RELL1: variants seen among roughly 807,000 people sequenced by gnomAD.
The protein encoded by RELL1 is RELT like 1, also known as RELT-like protein 1.
Under a neutral mutation model 23.0 loss-of-function variants are expected in RELL1, and 10 were observed. The ratio of observed to expected loss-of-function variants is 0.43; its 90% CI spans 0.27 to 0.74. RELL1 has a LOEUF of 0.74. Among genes scored for constraint, RELL1 ranks in the 30% least tolerant of loss-of-function variants. RELL1 has a pLI of 0.19. For synonymous variants in RELL1, 146 were observed against 146.8 expected, an observed-to-expected ratio of 0.99 and a Z score of 0.04; for missense variants, 315 against 364.4, an observed-to-expected ratio of 0.86 and a Z score of 1.10.
downstream of RELL1, chr4:37,590,695 G>T (rs1718559307): frequency 6.2e-7 from 1 of 1,614,070 alleles, no homozygotes. Flanking sequence ...CCATACTGAG[G>T]ATGAATCCCT....
At chr4:37,624,418 CTTTTTTT>C (rs35118296) in intron 6 of RELL1, among the ~76,000 whole-genome samples, 18 of 111,324 alleles carry the variant, frequency 1.6e-4, no homozygotes, top group African/African-American at 6.2e-4. Flanking sequence ...TTCTTTCTTT[CTTTTTTT>C]TTTTTTTTTT....
chr4:37,627,919 G>C lies in RELL1; in HGVS notation c.*3+3466C>G, dbSNP rs372015261. Among the ~76,000 whole-genome samples, 9 of 152,240 alleles carry C rather than the reference G, an allele frequency of 5.9e-5. No individual in the cohort carries two copies. In the East Asian group the frequency reaches 1.4e-3, roughly 23 times the overall value. ...CCTGCTTCACTAGCTGCATTCCAGT[G>C]CAGATCTTCTGGCTTCGTCTAGAAC... is the stretch of plus-strand genomic sequence containing the variant. On this transcript the variant is annotated intron_variant, in intron 6 of 6. Coordinates refer to ENST00000454158, the MANE Select transcript of RELL1 (RefSeq NM_001085400.2).
chr4:37,591,182 G>A (rs1360726182), exon 7 of RELL1: 5 of 577,036 alleles, frequency 8.7e-6, no homozygotes, highest in Non-Finnish European at 1.5e-5. Flanking sequence ...CATATCTGGA[G>A]TTTCACTCTG....
At chr4:37,666,626 G>C (rs1258134832) in intron 1 of RELL1, among the ~76,000 whole-genome samples, 1 of 152,166 alleles carries the variant, frequency 6.6e-6, no homozygotes, top group African/African-American at 2.4e-5. Context: ...ATCCAGAAAA[G>C]GACAAGGAAT....
chr4:37,605,857 GAAAA>G (rs1192383868), downstream of RELL1, among the ~76,000 whole-genome samples: 1 of 121,942 alleles, frequency 8.2e-6, no homozygotes, highest in Non-Finnish European at 1.8e-5. Flanking sequence ...GAAAAGAAAA[GAAAA>G]GAAAGAGAAA....
chr4:37,616,390 C>T (rs956294927), intron 6 of RELL1, among the ~76,000 whole-genome samples: 9 of 152,244 alleles, frequency 5.9e-5, no homozygotes, highest in African/African-American at 2.2e-4. Context: ...GACACACCCA[C>T]AGCATCACTG....
At chr4:37,676,863 A>T (rs1328751209) in intron 1 of RELL1, among the ~76,000 whole-genome samples, 2 of 152,106 alleles carry the variant, frequency 1.3e-5, no homozygotes, top group Non-Finnish European at 2.9e-5. Context: ...TAAATATTTA[A>T]ATATTTACTC....
At chr4:37,678,551 C>T (rs1315784160) in intron 1 of RELL1, among the ~76,000 whole-genome samples, 1 of 152,194 alleles carries the variant, frequency 6.6e-6, no homozygotes, top group African/African-American at 2.4e-5. Flanking sequence ...ACACAACCAG[C>T]ACCCAGGGCT....
rs745419179 is a variant in RELL1 at position 37,638,447 on chromosome 4, C to T, written c.443G>A (p.Ser148Asn). ...VADNSLYDPE[S>N]PVTPSTPGSP... is the part of the protein sequence containing the mutation. ...TAAGAAAGAGGGGAGGAGCACTCACCTTTCAGGATCATACAGGCTGTTATC... is the reference window on the plus strand; with the variant it reads ...TAAGAAAGAGGGGAGGAGCACTCACTTTTCAGGATCATACAGGCTGTTATC... The change falls in exon 4 of 7, where the codon AGC becomes AAC. Residue 148 changes from serine (S) to asparagine (N), a missense_variant and splice_region_variant. Transcript: ENST00000454158. 2 of 1,611,272 alleles carry T rather than the reference C, an allele frequency of 1.2e-6. No homozygotes were observed. Among genetic ancestry groups the T allele is most frequent in the East Asian group, 4.5e-5 (2 of 44,842 alleles).
downstream of RELL1, among the ~76,000 whole-genome samples, chr4:37,587,328 T>C (rs752540080): frequency 1.3e-5 from 2 of 152,188 alleles, no homozygotes; most frequent in Non-Finnish European, 2.9e-5. Flanking sequence ...TGGGGTGGCA[T>C]ATAAGGTATT....
exon 7 of RELL1, chr4:37,591,054 C>A (rs1164478167): frequency 3.2e-5 from 46 of 1,438,604 alleles, no homozygotes; most frequent in Non-Finnish European, 3.9e-5. Flanking sequence ...CATGCAGATG[C>A]ATTTGCTCCC....
chr4:37,637,810 T>C (rs1282948874), intron 4 of RELL1, among the ~76,000 whole-genome samples: 1 of 152,228 alleles, frequency 6.6e-6, no homozygotes, highest in Non-Finnish European at 1.5e-5. Context: ...AATATGCTGC[T>C]CAACAACCAT....
intron 1 of RELL1, among the ~76,000 whole-genome samples, chr4:37,669,132 G>A (rs1721674572): frequency 7.3e-6 from 1 of 137,020 alleles, no homozygotes. Flanking sequence ...CCCCTACTGG[G>A]AAGTGAGGAG....
At position 37,648,718 on chromosome 4, in the gene RELL1, T is replaced by C. The variant is rs559784591; in HGVS notation, c.313+558A>G. Reference sequence around the variant, plus strand: ...TGCACTGTGCACACGATCGTTTACTTAATAAACATAAATTCCAATCACAAA... The same window carrying C: ...TGCACTGTGCACACGATCGTTTACTCAATAAACATAAATTCCAATCACAAA... On this transcript the variant is annotated intron_variant, in intron 2 of 6. Transcript: ENST00000454158. 2.0e-5 allele frequency among the ~76,000 whole-genome samples: 3 copies of C among 152,348 alleles called. No individual in the cohort carries two copies. The South Asian group carries it at 6.2e-4, about 32-fold the overall frequency.
chr4:37,667,553 T>C (rs971473683), intron 1 of RELL1, among the ~76,000 whole-genome samples: 1 of 148,984 alleles, frequency 6.7e-6, no homozygotes, highest in African/African-American at 2.5e-5. Flanking sequence ...CCATAGCTCA[T>C]CTCTATTATA....
At chr4:37,665,072 A>G (rs1242669479) in intron 1 of RELL1, 3 of 364,234 alleles carry the variant, frequency 8.2e-6, no homozygotes, top group Admixed American at 7.1e-5. Context: ...CAGCAATGTT[A>G]TATGTGAAAG....
intron 5 of RELL1, among the ~76,000 whole-genome samples, chr4:37,633,382 T>C (rs112260557): frequency 0.21 from 27,006 of 126,744 alleles, 3,210 homozygotes; most frequent in Middle Eastern, 0.29. Context: ...GCACTCCAGC[T>C]TGGGTGACAG....
intron 6 of RELL1, among the ~76,000 whole-genome samples, chr4:37,618,242 ACT>A (rs1457908076): frequency 6.6e-6 from 1 of 151,846 alleles, no homozygotes; most frequent in Admixed American, 6.6e-5. Flanking sequence ...ACAGGGTCTC[ACT>A]CTGTTGCCCA....
At chr4:37,639,087 T>C (rs1720432965) in intron 3 of RELL1, among the ~76,000 whole-genome samples, 1 of 152,128 alleles carries the variant, frequency 6.6e-6, no homozygotes, top group Non-Finnish European at 1.5e-5. Flanking sequence ...CCAGATATCT[T>C]AAAATTTCAA....
Sources: allele counts gnomAD v4.1 joint callset (sites outside exome capture counted in the v4.1 genomes callset), GRCh38; gene constraint gnomAD v4.1.1; transcripts MANE v1.5; gene names NCBI Gene and HGNC (gene_info 2026-07-23, HGNC 2026-07-21).